The following COG6 variants were observed in gnomAD, a reference collection of about 807,000 sequenced individuals.
The protein encoded by COG6 is conserved oligomeric Golgi complex subunit 6.
In COG6, 74 loss-of-function variants were observed where a neutral mutation model predicts 88.8. That is an observed-to-expected ratio of 0.83 (90% confidence interval 0.69 to 1.01). The LOEUF (loss-of-function observed/expected upper bound fraction) is 1.01, where lower values mean the gene tolerates loss of function less well. Among genes scored for constraint, COG6 ranks in the 50% least tolerant of loss-of-function variants. The pLI is 0.00. For missense variants in COG6, 800 were observed against 797.9 expected, an observed-to-expected ratio of 1.00 and a Z score of -0.03; for synonymous variants, 286 against 278.7, an observed-to-expected ratio of 1.03 and a Z score of -0.26.
At chr13:39,689,956 C>T in intron 11 of COG6, 132 bp downstream of exon 11, 2 of 537,478 alleles carry the variant, frequency 3.7e-6, no homozygotes, top group South Asian at 6.2e-5. Context: ...CTAATGTAGA[C>T]TAATAAGAAA....
intron 18 of COG6, among the ~76,000 whole-genome samples, chr13:39,772,424 T>C (rs537999925): frequency 1.3e-5 from 2 of 152,234 alleles, no homozygotes; most frequent in African/African-American, 2.4e-5. Flanking sequence ...ACAGACATGA[T>C]TCCTGCCCTC....
chr13:39,668,742 C>T (rs1252662494), intron 4 of COG6, among the ~76,000 whole-genome samples: 21 of 150,616 alleles, frequency 1.4e-4, no homozygotes, highest in Non-Finnish European at 2.2e-4. Context: ...GAGCTGAGAA[C>T]GCGCCACTGC....
At chr13:39,777,660 CAG>C (rs1347056481) in intron 18 of COG6, among the ~76,000 whole-genome samples, 2 of 152,160 alleles carry the variant, frequency 1.3e-5, no homozygotes, top group Non-Finnish European at 2.9e-5. Context: ...GTTGCAATCG[CAG>C]AGTCAGGTTA....
At chr13:39,698,357 A>G (rs1009685736) in intron 12 of COG6, among the ~76,000 whole-genome samples, 1 of 151,934 alleles carries the variant, frequency 6.6e-6, no homozygotes, top group Non-Finnish European at 1.5e-5. Context: ...AGTTTATTTT[A>G]GTATTTGGCA....
chr13:39,727,524 A>C lies in COG6; in HGVS notation c.1802A>C (p.Asn601Thr). The C allele has an allele frequency of 2.5e-6, 4 of 1,613,222 alleles. No individual in the cohort carries two copies. The highest frequency in any genetic ancestry group is 3.4e-6 in the Non-Finnish European group (4 of 1,179,338). ...GACAACCTATTGATACCACAGCTGA[A>C]CTTTCTTCTAAGTGCCACAGTGAAG... ...APDNLLIPQL[N>T]FLLSATVKEQ... The change falls in exon 18 of 19, where the codon AAC (asparagine) becomes ACC (threonine). Residue 601 changes from asparagine to threonine, a missense_variant. Physicochemically the swap from Asn to Thr is moderately conservative, Grantham distance 65. Coordinates refer to ENST00000455146, the MANE Select transcript of COG6 (RefSeq NM_020751.3).
chr13:39,717,410 T>C (rs1878585547), intron 13 of COG6, among the ~76,000 whole-genome samples: 2 of 152,154 alleles, frequency 1.3e-5, no homozygotes, highest in African/African-American at 4.8e-5. Flanking sequence ...TTTTTTTCTT[T>C]GTTCTTTCCT....
At chr13:39,674,471 G>A (rs1875844820) in intron 4 of COG6, among the ~76,000 whole-genome samples, 1 of 152,006 alleles carries the variant, frequency 6.6e-6, no homozygotes, top group African/African-American at 2.4e-5. Flanking sequence ...ATCATGTTCT[G>A]GGCTGATTTG....
chr13:39,680,932 T>C (rs1379807483), intron 7 of COG6, among the ~76,000 whole-genome samples: 3 of 152,234 alleles, frequency 2.0e-5, no homozygotes, highest in African/African-American at 7.2e-5. Flanking sequence ...CTTAATTTCA[T>C]TTACAAAGTC....
At chr13:39,732,876 C>T (rs1294756508) in intron 18 of COG6, among the ~76,000 whole-genome samples, 1 of 151,946 alleles carries the variant, frequency 6.6e-6, no homozygotes, top group Non-Finnish European at 1.5e-5. Context: ...CCCTCAGACC[C>T]AAGAAATTAA....
At chr13:39,750,869 T>G in intron 18 of COG6, 77 bp from the exon 19 acceptor site, 1 of 1,059,628 alleles carries the variant, frequency 9.4e-7, no homozygotes, top group Non-Finnish European at 1.4e-6. Flanking sequence ...TTGATTGAAG[T>G]GTCAAGCTGT....
rs369955342 is a variant in COG6, at chr13:39,723,310, G to A, written c.1585-23G>A. The A allele has an allele frequency of 2.6e-5, 38 of 1,453,268 alleles. No individual in the cohort carries two copies. In the African/African-American group the frequency reaches 4.7e-4, roughly 18 times the overall value. The allele number at this position is 1,453,268 out of a possible 1,614,324, so 90.0% of individuals were successfully genotyped here. The stretch of plus-strand genomic sequence containing the variant: ...ATCAGTGTCATTCTTCTTTTAAAAT[G>A]TTTTCTTTGTGTTTTATTTTAGATC... On this transcript the variant is annotated intron_variant, in intron 15 of 18. Coordinates refer to ENST00000455146, the MANE Select transcript of COG6 (RefSeq NM_020751.3).
In COG6 at chr13:39,665,116, A is replaced by G; in HGVS notation, c.390A>G (p.Gln130=). ...SRLQAAKEQT[Q]DLIVKTTKLQ... ...TTTAGGCAGCAAAGGAACAGACTCAAGATTTAATAGTAAAAACCACTAAGC... is the reference window on the plus strand; with the variant it reads ...TTTAGGCAGCAAAGGAACAGACTCAGGATTTAATAGTAAAAACCACTAAGC... Residue 130 remains glutamine, a synonymous_variant, in exon 4 of 19, where the codon CAA becomes CAG. Transcript: ENST00000455146. The G allele has an allele frequency of 6.7e-7, 1 of 1,501,362 alleles. No individual in the cohort carries two copies. Among genetic ancestry groups the G allele is most frequent in the Non-Finnish European group, 9.3e-7 (1 of 1,078,170 alleles). 93.0% of individuals were successfully genotyped at this position (1,501,362 alleles called of 1,614,324 possible).
At chr13:39,701,516 C>T (rs1340935695) in intron 13 of COG6, among the ~76,000 whole-genome samples, 3 of 151,642 alleles carry the variant, frequency 2.0e-5, no homozygotes, top group Non-Finnish European at 4.4e-5. Context: ...GGAAAAACGT[C>T]AACAGTATGA....
chr13:39,687,976 T>G (rs1310014473), intron 10 of COG6, among the ~76,000 whole-genome samples, 177 bp downstream of exon 10: 3 of 152,232 alleles, frequency 2.0e-5, no homozygotes, highest in African/African-American at 7.2e-5. Flanking sequence ...GACTTTCTCT[T>G]CCATCACCTT....
At chr13:39,719,569 T>C (rs1344963131) in intron 14 of COG6, 91 bp from the exon 15 acceptor site, 2 of 1,316,184 alleles carry the variant, frequency 1.5e-6, no homozygotes, top group Admixed American at 1.7e-5. Flanking sequence ...TAAATTGGCT[T>C]CCTTCCAATT....
chr13:39,739,969 T>C (rs1879960659), intron 18 of COG6, among the ~76,000 whole-genome samples: 1 of 152,162 alleles, frequency 6.6e-6, no homozygotes, highest in South Asian at 2.1e-4. Flanking sequence ...ACCAGAAATA[T>C]CTAATTATAA....
chr13:39,656,170 G>T (rs1355354098), intron 1 of COG6: 1 of 572,988 alleles, frequency 1.7e-6, no homozygotes, highest in East Asian at 4.0e-5. Context: ...CTCGAGAAGT[G>T]TCCTCCAAAC....
At chr13:39,740,585 G>C (rs760229768) in intron 18 of COG6, among the ~76,000 whole-genome samples, 8 of 152,092 alleles carry the variant, frequency 5.3e-5, no homozygotes, top group Non-Finnish European at 1.0e-4. Context: ...TATTTTATTA[G>C]CTCTTTCTGT....
At position 39,723,352 on chromosome 13, in the gene COG6, C is replaced by A. The variant is rs1185975264; in HGVS notation, c.1604C>A (p.Thr535Lys). The A allele has an allele frequency of 6.2e-7, 1 of 1,607,870 alleles. No individual in the cohort carries two copies. Among genetic ancestry groups the A allele is most frequent in the African/African-American group, 1.3e-5 (1 of 74,844 alleles). ...TTTTAGATCGAAGCACATTTGGACA[C>A]ACTTATAAATGAGCAAGCCTCTTAT... ...LQFQIEAHLD[T>K]LINEQASYVL... The change falls in exon 16 of 19, where the codon ACA becomes AAA. Residue 535 changes from threonine to lysine, a missense_variant. Physicochemically the swap from Thr to Lys is moderately conservative, Grantham distance 78 (BLOSUM62 -1). Coordinates refer to ENST00000455146, the MANE Select transcript of COG6 (RefSeq NM_020751.3).
Sources: allele counts gnomAD v4.1 joint callset (sites outside exome capture counted in the v4.1 genomes callset), GRCh38; gene constraint gnomAD v4.1.1; transcripts MANE v1.5; gene names NCBI Gene and HGNC (gene_info 2026-07-23, HGNC 2026-07-21).